The following ACAP2 variants were observed in gnomAD, a reference collection of about 807,000 sequenced individuals.
ACAP2 encodes the protein arf-GAP with coiled-coil, ANK repeat and PH domain-containing protein 2.
In ACAP2, 39 loss-of-function variants were observed where a neutral mutation model predicts 115.8. The observed-to-expected ratio is 0.34, with a 90% confidence interval of 0.26 to 0.44. The LOEUF (loss-of-function observed/expected upper bound fraction) is 0.44, where lower values mean the gene tolerates loss of function less well. ACAP2 is among the 20% of genes least tolerant of loss of function. The pLI is 1.00. For synonymous variants in ACAP2, 289 were observed against 315.8 expected, an observed-to-expected ratio of 0.92 and a Z score of 0.90; for missense variants, 662 against 927.6, an observed-to-expected ratio of 0.71 and a Z score of 3.72.
At chr3:195,418,081 T>C (rs1189439404) in intron 1 of ACAP2, among the ~76,000 whole-genome samples, 2 of 152,210 alleles carry the variant, frequency 1.3e-5, no homozygotes, top group African/African-American at 2.4e-5. Flanking sequence ...CCACATCCTA[T>C]ACTTTTCCTG....
intron 1 of ACAP2, among the ~76,000 whole-genome samples, chr3:195,402,064 A>C (rs1171119264): frequency 6.6e-6 from 1 of 152,044 alleles, no homozygotes; most frequent in Non-Finnish European, 1.5e-5. Context: ...TGCACACTTC[A>C]AACAGAGCGC....
Position 195,342,545 on chromosome 3 carries a change from C to A in ACAP2, c.454G>T (p.Val152Phe), listed in dbSNP as rs1413904390. Residue 152 changes from valine to phenylalanine, a missense_variant, in exon 6 of 23, where the codon GTT becomes TTT. Val to Phe is a conservative substitution (Grantham distance 50). Transcript: ENST00000326793. The part of the protein sequence containing the change: ...AQVQRNKQHE[V>F]EEATNILTAT... ...GTCAGAATGTTGGTGGCTTCTTCAA[C>A]TTCATGTTGTTTGTTTCTTTGTACT... 1 of 1,612,944 alleles carries A rather than the reference C, an allele frequency of 6.2e-7. No individual in the cohort carries two copies. Among genetic ancestry groups the A allele is most frequent in the Non-Finnish European group, 8.5e-7 (1 of 1,179,772 alleles).
At chr3:195,306,719 C>T in intron 12 of ACAP2, 103 bp from the exon 13 acceptor site, 2 of 777,252 alleles carry the variant, frequency 2.6e-6, no homozygotes, top group South Asian at 1.9e-5. Flanking sequence ...AATTTTCTAG[C>T]CAAAAATATA....
chr3:195,279,496 A>T, intron 22 of ACAP2, 68 bp from the exon 23 acceptor site: 2 of 997,730 alleles, frequency 2.0e-6, no homozygotes, highest in South Asian at 1.8e-5. Flanking sequence ...ATTCATATTT[A>T]TTACTAGTAC....
intron 1 of ACAP2, among the ~76,000 whole-genome samples, chr3:195,435,794 A>C (rs1715489942): frequency 1.3e-5 from 2 of 152,168 alleles, no homozygotes; most frequent in Admixed American, 1.3e-4. Context: ...AGGATACTTC[A>C]TGTAAACTCG....
chr3:195,392,494 A>G (rs1454807716), intron 1 of ACAP2, among the ~76,000 whole-genome samples: 2 of 152,218 alleles, frequency 1.3e-5, no homozygotes, highest in African/African-American at 2.4e-5. Context: ...TCTTGATAAC[A>G]AAACACATGC....
At chr3:195,291,659 T>C in intron 20 of ACAP2, 47 bp downstream of exon 20, 3 of 1,507,656 alleles carry the variant, frequency 2.0e-6, no homozygotes, top group Non-Finnish European at 2.7e-6. Context: ...TAATTCAAAA[T>C]AATTTTTCAA....
chr3:195,403,203 T>C (rs563851304), intron 1 of ACAP2, among the ~76,000 whole-genome samples: 1 of 152,268 alleles, frequency 6.6e-6, no homozygotes, highest in East Asian at 1.9e-4. Flanking sequence ...GCAACATTCC[T>C]GGAACGTTCA....
chr3:195,403,064 G>T (rs369526957), intron 1 of ACAP2, among the ~76,000 whole-genome samples: 4 of 152,054 alleles, frequency 2.6e-5, no homozygotes, highest in African/African-American at 9.7e-5. Context: ...AGAGAGGGAC[G>T]GCTACAGTTT....
intron 7 of ACAP2, chr3:195,336,594 A>G: frequency 5.6e-6 from 1 of 178,062 alleles, no homozygotes; most frequent in Non-Finnish European, 1.2e-5. Flanking sequence ...ATATTCTCAC[A>G]GGTTTTTATA....
rs568851380 is a variant in ACAP2, at chr3:195,301,457, A to T, written c.1395+118T>A. 8 of 785,168 alleles carry T rather than the reference A, an allele frequency of 1.0e-5. No homozygotes were observed. In the African/African-American group the frequency reaches 1.4e-4, roughly 14 times the overall value. 48.6% of individuals were successfully genotyped at this position (785,168 alleles called of 1,614,324 possible). On this transcript the variant is annotated intron_variant, in intron 15 of 22. Transcript: ENST00000326793. Reference sequence around the variant, plus strand: ...AAAATAGCCTCAGATGTGTTTCAATACAATTTAGCTAGCATACATTGGTAG... The same window carrying T: ...AAAATAGCCTCAGATGTGTTTCAATTCAATTTAGCTAGCATACATTGGTAG...
At chr3:195,428,694 G>A (rs755512235) in intron 1 of ACAP2, among the ~76,000 whole-genome samples, 13 of 151,984 alleles carry the variant, frequency 8.6e-5, no homozygotes, top group Middle Eastern at 3.4e-3. Flanking sequence ...AGATATTCTC[G>A]TCATTAAGTA....
rs746701661 is a variant in ACAP2, at chr3:195,297,201, T to C, written c.1476A>G (p.Gln492=). 3.7e-6 allele frequency: 6 copies of C among 1,612,844 alleles called. No individual in the cohort carries two copies. The South Asian group carries it at 5.5e-5, about 15-fold the overall frequency. The change falls in exon 16 of 23, where the codon CAA becomes CAG. Residue 492 remains glutamine, a synonymous_variant. Coordinates refer to ENST00000326793, the MANE Select transcript of ACAP2 (RefSeq NM_012287.6). ...NVEKMGIKKP[Q]PGQRQEKEAY... ...AACTGAAATAGTACCTTTGTCCTGG[T>C]TGGGGTTTCTTTATTCCCATTTTTT...
At chr3:195,325,227 T>C (rs1184983091) in intron 9 of ACAP2, among the ~76,000 whole-genome samples, 2 of 152,172 alleles carry the variant, frequency 1.3e-5, no homozygotes, top group African/African-American at 2.4e-5. Flanking sequence ...GACCTGCTAA[T>C]GCTAATACAC....
rs76861098 is a variant in ACAP2 at position 195,285,643 on chromosome 3, G to C, written c.2236+153C>G. 2.7e-3 allele frequency: 1,751 copies of C among 646,478 alleles called. 20 individuals carry two copies. In the African/African-American group the frequency reaches 0.029, roughly 11 times the overall value. 40.0% of individuals were successfully genotyped at this position (646,478 alleles called of 1,614,324 possible). On this transcript the variant is annotated intron_variant, in intron 22 of 22. Coordinates refer to ENST00000326793, the MANE Select transcript of ACAP2 (RefSeq NM_012287.6). Reference sequence around the variant, plus strand: ...AGGATTCAGTTAAGTACAGTACAAAGCTAACAACTCACAATTTACAAGTGG... The same window carrying C: ...AGGATTCAGTTAAGTACAGTACAAACCTAACAACTCACAATTTACAAGTGG...
chr3:195,372,425 T>C lies in ACAP2; in HGVS notation c.285+8584A>G, dbSNP rs141940729. On this transcript the variant is annotated intron_variant, in intron 4 of 22. Transcript: ENST00000326793. ...AAAGAACACCTGAGGCTGGACACAG[T>C]GACTCACGCCTCCGACCTCAGCACC... 6.2e-3 allele frequency among the ~76,000 whole-genome samples: 949 copies of C among 152,268 alleles called. 12 individuals carry two copies. The highest frequency in any genetic ancestry group is 0.022 in the African/African-American group (897 of 41,548).
intron 4 of ACAP2, among the ~76,000 whole-genome samples, chr3:195,367,247 A>G (rs1437686270): frequency 6.6e-6 from 1 of 152,164 alleles, no homozygotes; most frequent in Non-Finnish European, 1.5e-5. Context: ...CTGAGAATCT[A>G]CAGTTCTAAC....
chr3:195,377,816 A>G (rs1437854909), intron 4 of ACAP2, among the ~76,000 whole-genome samples: 1 of 152,198 alleles, frequency 6.6e-6, no homozygotes, highest in African/African-American at 2.4e-5. Flanking sequence ...GTCAAAAATA[A>G]TAAGGGAACA....
chr3:195,311,727 G>A (rs147213675), intron 10 of ACAP2, among the ~76,000 whole-genome samples: 3,944 of 150,536 alleles, frequency 0.026, 149 homozygotes, highest in African/African-American at 0.087. Flanking sequence ...AGTAGAGACG[G>A]GGTTTCGCCA....
Sources: gnomAD v4.1 joint callset for allele counts (sites outside exome capture counted in the v4.1 genomes callset) on GRCh38, gnomAD v4.1.1 for gene constraint, MANE v1.5 for transcripts, NCBI Gene and HGNC (gene_info 2026-07-23, HGNC 2026-07-21) for gene names.